Variants in SLC24A2 observed in about 807,000 individuals in gnomAD.
SLC24A2 encodes the protein sodium/potassium/calcium exchanger 2.
Under a neutral mutation model 62.0 loss-of-function variants are expected in SLC24A2, and 36 were observed. The observed-to-expected ratio is 0.58, with a 90% CI of 0.44 to 0.77. The LOEUF (loss-of-function observed/expected upper bound fraction) is 0.77, where lower values mean the gene tolerates loss of function less well. SLC24A2 is among the 30% of genes least tolerant of loss of function. The pLI is 0.00. For synonymous variants in SLC24A2, 358 were observed against 294.0 expected (o/e 1.22, Z -2.23); for missense variants, 846 against 817.9 (o/e 1.03, Z -0.42).
At chr9:19,722,884 G>A (rs1821068635) in intron 2 of SLC24A2, among the ~76,000 whole-genome samples, 1 of 152,096 alleles carries the variant, frequency 6.6e-6, no homozygotes, top group Non-Finnish European at 1.5e-5. Flanking sequence ...CTAGACCCAG[G>A]TGAAGCTCGT....
chr9:19,640,346 A>G (rs752539), intron 2 of SLC24A2, among the ~76,000 whole-genome samples: 12,268 of 152,264 alleles, frequency 0.081, 955 homozygotes, highest in African/African-American at 0.21. Context: ...TTAAAGTTGG[A>G]TGCCTTTCTC....
At chr9:20,164,745 C>T in the SLC24A2 span, among the ~76,000 whole-genome samples, 23 of 151,820 alleles carry the variant, frequency 1.5e-4, no homozygotes, top group Middle Eastern at 0.017. Flanking sequence ...AAATGTCCAA[C>T]AATGATAGAC....
At chr9:19,576,157 A>C (rs764417305) in intron 6 of SLC24A2, among the ~76,000 whole-genome samples, 37 of 152,208 alleles carry the variant, frequency 2.4e-4, no homozygotes, top group Non-Finnish European at 4.4e-4. Context: ...CAGTATTTTG[A>C]GAGCAATGCT....
At chr9:20,267,941 T>C in the SLC24A2 span, among the ~76,000 whole-genome samples, 1 of 152,048 alleles carries the variant, frequency 6.6e-6, no homozygotes, top group African/African-American at 2.4e-5. Context: ...CCTCTCTCAA[T>C]TACCTTTAAC....
intron 4 of SLC24A2, among the ~76,000 whole-genome samples, chr9:19,600,470 GA>G (rs1348266455): frequency 6.6e-6 from 1 of 152,180 alleles, no homozygotes; most frequent in Non-Finnish European, 1.5e-5. Context: ...CTCGATTATG[GA>G]AAATATGGTG....
chr9:20,051,929 C>T, the SLC24A2 span, among the ~76,000 whole-genome samples: 9 of 151,850 alleles, frequency 5.9e-5, no homozygotes, highest in Non-Finnish European at 1.0e-4. Context: ...TTTAATCCCC[C>T]GTTTTCTCAT....
intron 2 of SLC24A2, among the ~76,000 whole-genome samples, chr9:19,670,068 A>T (rs1819371668): frequency 6.6e-6 from 1 of 152,156 alleles, no homozygotes; most frequent in African/African-American, 2.4e-5. Context: ...CCCCAGTAAA[A>T]TCCTCAGCAC....
At chr9:20,276,628 G>A in the SLC24A2 span, among the ~76,000 whole-genome samples, 1 of 152,124 alleles carries the variant, frequency 6.6e-6, no homozygotes, top group Non-Finnish European at 1.5e-5. Context: ...TTCTGTGTAG[G>A]GGCTCCCCCT....
rs1832720667 is a variant in SLC24A2, at chr9:19,511,625, G to C, written c.*4528C>G. The C allele has an allele frequency of 6.6e-6, 1 of 152,094 alleles. No individual in the cohort carries two copies. Among genetic ancestry groups the C allele is most frequent in the Non-Finnish European group, 1.5e-5 (1 of 68,018 alleles). The allele number at this position is 152,094 out of a possible 1,614,324, so 9.4% of individuals were successfully genotyped here. A position where few individuals can be genotyped will look rare whatever the true frequency, so the allele number is the denominator to read the frequency against. On this transcript the variant is annotated 3_prime_UTR_variant, in exon 11 of 11. Coordinates refer to ENST00000341998, the MANE Select transcript of SLC24A2 (RefSeq NM_020344.4). ...ACAGTATTGTTGAGACAGGTATAGGGGTTGAGGAGGTATCTTTTAAAAATA... is the reference window on the plus strand; with the variant it reads ...ACAGTATTGTTGAGACAGGTATAGGCGTTGAGGAGGTATCTTTTAAAAATA...
At chr9:19,934,833 C>T in the SLC24A2 span, among the ~76,000 whole-genome samples, 1 of 151,984 alleles carries the variant, frequency 6.6e-6, no homozygotes, top group Admixed American at 6.6e-5. The surrounding 1 kb of genome is among the most constrained non-coding windows in gnomAD (Gnocchi z 4.1). Context: ...GAGTCCGTTT[C>T]TGTCTTCTCC....
At chr9:20,112,391 T>C in the SLC24A2 span, among the ~76,000 whole-genome samples, 1 of 152,216 alleles carries the variant, frequency 6.6e-6, no homozygotes, top group African/African-American at 2.4e-5. Flanking sequence ...TCAGATGTGC[T>C]ATGTATGCAG....
the SLC24A2 span, among the ~76,000 whole-genome samples, chr9:20,209,476 C>T: frequency 6.6e-6 from 1 of 152,170 alleles, no homozygotes. Context: ...TAAACAAGCT[C>T]TCTTCCCCGA....
chr9:19,704,401 G>GAC (rs1214636884), intron 2 of SLC24A2, among the ~76,000 whole-genome samples: 19 of 138,248 alleles, frequency 1.4e-4, no homozygotes, highest in Admixed American at 6.3e-4. Context: ...AAGAGAGAGA[G>GAC]AGAGTGTGTG....
chr9:20,295,051 T>TACACACACAC, the SLC24A2 span, among the ~76,000 whole-genome samples: 1 of 146,304 alleles, frequency 6.8e-6, no homozygotes, highest in South Asian at 2.2e-4. Flanking sequence ...TATATATATA[T>TACACACACAC]ATACACACAC....
chr9:20,186,639 A>G, the SLC24A2 span, among the ~76,000 whole-genome samples: 1 of 151,916 alleles, frequency 6.6e-6, no homozygotes, highest in Non-Finnish European at 1.5e-5. Context: ...ACAATCTCCA[A>G]CCGCACCTCC....
chr9:20,055,375 A>G, the SLC24A2 span, among the ~76,000 whole-genome samples: 1 of 152,226 alleles, frequency 6.6e-6, no homozygotes, highest in Non-Finnish European at 1.5e-5. Flanking sequence ...GCAATCATAA[A>G]TATAGTGCTT....
chr9:19,615,238 C>T (rs780581897), intron 4 of SLC24A2, among the ~76,000 whole-genome samples: 4 of 152,160 alleles, frequency 2.6e-5, no homozygotes, highest in African/African-American at 9.7e-5. Context: ...GAATAGTTCC[C>T]TTTTGAACAT....
At chr9:20,032,380 A>G in the SLC24A2 span, among the ~76,000 whole-genome samples, 1 of 151,030 alleles carries the variant, frequency 6.6e-6, no homozygotes, top group African/African-American at 2.4e-5. Context: ...ATTTAATTAG[A>G]GGTTAAATAA....
the SLC24A2 span, among the ~76,000 whole-genome samples, chr9:20,242,870 A>G: frequency 6.6e-6 from 1 of 152,188 alleles, no homozygotes; most frequent in Admixed American, 6.5e-5. Context: ...GAGGCAATCT[A>G]TGCAAACCAC....
Sources: gnomAD v4.1 joint callset for allele counts (sites outside exome capture counted in the v4.1 genomes callset) on GRCh38, gnomAD v4.1.1 for gene constraint, Gnocchi (gnomAD v3.1) non-coding constraint, MANE v1.5 for transcripts, NCBI Gene and HGNC (gene_info 2026-07-23, HGNC 2026-07-21) for gene names.